Variants in VWA8 observed in about 807,000 individuals in gnomAD.
VWA8 encodes von Willebrand factor A domain containing 8, also known as von Willebrand factor A domain-containing protein 8.
A neutral mutation model predicts 241.5 loss-of-function variants in VWA8; 221 were observed. The ratio of observed to expected loss-of-function variants is 0.91; its 90% CI spans 0.82 to 1.02. The LOEUF is 1.02. Ranked by LOEUF, VWA8 falls within the 50% of genes least tolerant of loss-of-function variation. The pLI, the probability that VWA8 is intolerant of heterozygous loss-of-function variation, is 0.00. For synonymous variants in VWA8, 852 were observed against 827.1 expected (o/e 1.03, Z -0.52); for missense variants, 2,322 against 2,328.7 (o/e 1.00, Z 0.06).
At chr13:41,866,111 G>C in intron 10 of VWA8, 75 bp from the exon 11 acceptor site, 1 of 1,551,818 alleles carries the variant, frequency 6.4e-7, no homozygotes, top group Non-Finnish European at 8.8e-7. Context: ...ACTTTGGGAG[G>C]CCAAGGCAGG....
At chr13:41,861,761 C>A (rs1183419724) in intron 12 of VWA8, among the ~76,000 whole-genome samples, 3 of 152,058 alleles carry the variant, frequency 2.0e-5, no homozygotes. Flanking sequence ...GATCTTTTCT[C>A]TGCAACAAGA....
chr13:41,793,130 T>A (rs1314106011), intron 17 of VWA8, among the ~76,000 whole-genome samples: 1 of 152,178 alleles, frequency 6.6e-6, no homozygotes, highest in African/African-American at 2.4e-5. Flanking sequence ...GATTAAAGAA[T>A]TTCCTTTCTG....
chr13:41,701,391 C>G lies in VWA8; in HGVS notation c.3364+1G>C, dbSNP rs1398513463. The G allele has an allele frequency of 1.3e-6, 2 of 1,596,226 alleles. No individual in the cohort carries two copies. Among genetic ancestry groups the G allele is most frequent in the Admixed American group, 3.5e-5 (2 of 56,340 alleles). ...AAGATCAAAAGAATAAGCAGACATA[C>G]CATGTGATGTAGCAATGTCACAGAT... On this transcript the variant is annotated splice_donor_variant, in intron 28 of 44. Transcript: ENST00000379310. LOFTEE classifies it high-confidence loss of function.
At chr13:41,712,696 C>A (rs889167553) in intron 26 of VWA8, among the ~76,000 whole-genome samples, 6 of 152,068 alleles carry the variant, frequency 3.9e-5, no homozygotes, top group African/African-American at 1.4e-4. Context: ...GGTTGAATGC[C>A]CCGTTCTATC....
chr13:41,573,246 A>AAAGAT (rs2044322331), intron 43 of VWA8, among the ~76,000 whole-genome samples: 3 of 143,792 alleles, frequency 2.1e-5, no homozygotes, highest in Admixed American at 2.0e-4. Context: ...CATCTCTACT[A>AAAGAT]AAGATACAAA....
intron 17 of VWA8, among the ~76,000 whole-genome samples, chr13:41,801,148 T>TTTTA (rs146869934): frequency 0.22 from 33,604 of 150,504 alleles, 3,784 homozygotes; most frequent in African/African-American, 0.29. Flanking sequence ...TTCAATTTAT[T>TTTTA]TTTATTTATT....
rs191421221 is a variant in VWA8, at chr13:41,830,069, T to G, written c.1700+460A>C. On this transcript the variant is annotated intron_variant, in intron 14 of 44. Coordinates refer to ENST00000379310, the MANE Select transcript of VWA8 (RefSeq NM_015058.2). Reference sequence around the variant, plus strand: ...CATCCTGGCTAACAAGGTGAAACCCTGTCTCTACTAAAAAATACAAAAAAT... The same window carrying G: ...CATCCTGGCTAACAAGGTGAAACCCGGTCTCTACTAAAAAATACAAAAAAT... 3.3e-5 allele frequency among the ~76,000 whole-genome samples: 5 copies of G among 152,120 alleles called. No individual in the cohort carries two copies. In the South Asian group the frequency reaches 1.0e-3, roughly 32 times the overall value.
At chr13:41,768,642 A>T (rs2045796212) in intron 20 of VWA8, among the ~76,000 whole-genome samples, 2 of 152,210 alleles carry the variant, frequency 1.3e-5, no homozygotes, top group South Asian at 4.1e-4. Context: ...GCATAATTTC[A>T]TTGTATAAAT....
rs79968583 is a variant in VWA8, at chr13:41,765,178, G to C, written c.2350-3974C>G. ...GGGAGGAGAACTGAATTAGCTGGGTGGGGGAGGGAAGTCTAGTTATAAAAG... is the reference window on the plus strand; with the variant it reads ...GGGAGGAGAACTGAATTAGCTGGGTCGGGGAGGGAAGTCTAGTTATAAAAG... On this transcript the variant is annotated intron_variant, in intron 20 of 44. Coordinates refer to ENST00000379310, the MANE Select transcript of VWA8 (RefSeq NM_015058.2). Among the ~76,000 whole-genome samples, 143 of 152,154 alleles carry C rather than the reference G, an allele frequency of 9.4e-4. 1 individual carries two copies. In the South Asian group the frequency reaches 0.013, roughly 14 times the overall value.
rs111586550 is a variant in VWA8, at chr13:41,792,728, T to C, written c.2064-5185A>G. On this transcript the variant is annotated intron_variant, in intron 17 of 44. Transcript: ENST00000379310. The stretch of plus-strand genomic sequence containing the variant: ...CAATACTAAATCTTCCATTTATTTG[T>C]CTTCTTTTATAACTTTGAATAAAGA... 6.2e-3 allele frequency among the ~76,000 whole-genome samples: 944 copies of C among 152,212 alleles called. 8 individuals carry two copies. The highest frequency in any genetic ancestry group is 0.022 in the African/African-American group (900 of 41,574).
At chr13:41,959,605 G>GTTTTTTTTT (rs1566052716) in intron 1 of VWA8, among the ~76,000 whole-genome samples, 18 of 54,326 alleles carry the variant, frequency 3.3e-4, no homozygotes, top group Admixed American at 1.5e-3. Context: ...ACCTAAATAT[G>GTTTTTTTTT]CTTTTTTTTT....
At chr13:41,796,615 T>C (rs1869712889) in intron 17 of VWA8, among the ~76,000 whole-genome samples, 1 of 152,160 alleles carries the variant, frequency 6.6e-6, no homozygotes, top group South Asian at 2.1e-4. Flanking sequence ...GTTGGACTAA[T>C]CTTTTCTATG....
intron 12 of VWA8, among the ~76,000 whole-genome samples, chr13:41,854,466 ATATT>A (rs1158405475): frequency 6.0e-5 from 9 of 149,780 alleles, no homozygotes; most frequent in Non-Finnish European, 8.9e-5. Flanking sequence ...TTTTATTGTT[ATATT>A]TATTTATAAA....
intron 20 of VWA8, among the ~76,000 whole-genome samples, chr13:41,765,526 A>G (rs1480841264): frequency 6.6e-6 from 1 of 152,194 alleles, no homozygotes; most frequent in Non-Finnish European, 1.5e-5. Context: ...AGTTATAATG[A>G]CTTGTTCCTT....
intron 7 of VWA8, 93 bp from the exon 8 acceptor site, chr13:41,886,121 T>A: frequency 1.2e-6 from 1 of 818,228 alleles, no homozygotes; most frequent in Non-Finnish European, 1.9e-6. Flanking sequence ...TTAATTAATC[T>A]AAAAAAGATC....
At chr13:41,718,070 T>C (rs2045358529) in intron 26 of VWA8, among the ~76,000 whole-genome samples, 1 of 152,076 alleles carries the variant, frequency 6.6e-6, no homozygotes, top group African/African-American at 2.4e-5. Flanking sequence ...AAAAATTTTA[T>C]CATGATTAAC....
At chr13:41,649,976 G>C (rs1170461887) in intron 37 of VWA8, among the ~76,000 whole-genome samples, 1 of 152,090 alleles carries the variant, frequency 6.6e-6, no homozygotes, top group African/African-American at 2.4e-5. Flanking sequence ...TGTAATTTAC[G>C]TTAAGTTATG....
intron 4 of VWA8, among the ~76,000 whole-genome samples, chr13:41,895,055 G>C (rs1416883531): frequency 6.6e-6 from 1 of 151,940 alleles, no homozygotes; most frequent in Non-Finnish European, 1.5e-5. Context: ...GGAGCTAGTA[G>C]AGGAATACAG....
At position 41,701,393 on chromosome 13, in the gene VWA8, A is replaced by T; in HGVS notation, c.3363T>A (p.His1121Gln). 2 of 1,598,318 alleles carry T rather than the reference A, an allele frequency of 1.3e-6. No homozygotes were observed. Among genetic ancestry groups the T allele is most frequent in the Non-Finnish European group, 1.7e-6 (2 of 1,174,628 alleles). The part of the protein sequence containing the change: ...INIICDIATS[H>Q]ENEQNTLYVV... ...GATCAAAAGAATAAGCAGACATACCATGTGATGTAGCAATGTCACAGATTA... is the reference window on the plus strand; with the variant it reads ...GATCAAAAGAATAAGCAGACATACCTTGTGATGTAGCAATGTCACAGATTA... Residue 1121 changes from histidine (H) to glutamine (Q), a missense_variant and splice_region_variant, in exon 28 of 45, where the codon CAT (histidine) becomes CAA (glutamine). By Grantham distance (24) the His-to-Gln change is conservative. Coordinates refer to ENST00000379310, the MANE Select transcript of VWA8 (RefSeq NM_015058.2).
Sources: allele counts gnomAD v4.1 joint callset (sites outside exome capture counted in the v4.1 genomes callset), GRCh38; gene constraint gnomAD v4.1.1; transcripts MANE v1.5; gene names NCBI Gene and HGNC (gene_info 2026-07-23, HGNC 2026-07-21).